The following MAML2 variants were observed in gnomAD, a reference collection of about 807,000 sequenced individuals.
The protein encoded by MAML2 is mastermind like transcriptional coactivator 2.
MAML2 carries 22 observed loss-of-function variants against 96.1 expected under a neutral mutation model. That is an observed-to-expected ratio of 0.23 (90% CI 0.16 to 0.33). MAML2 has a LOEUF of 0.33. MAML2 is among the 10% of genes least tolerant of loss of function. The probability of loss-of-function intolerance (pLI) is 1.00; values close to 1 mark genes in which losing one functional copy is unlikely to be tolerated. For missense variants in MAML2, 1,367 were observed against 1,392.4 expected (o/e 0.98, Z 0.29); for synonymous variants, 561 against 521.3 (o/e 1.08, Z -1.04).
chr11:96,231,095 G>A (rs1302417064), intron 1 of MAML2, among the ~76,000 whole-genome samples: 1 of 152,128 alleles, frequency 6.6e-6, no homozygotes. Context: ...AATCTGGATT[G>A]GTATCTAAAA....
intron 1 of MAML2, among the ~76,000 whole-genome samples, chr11:96,210,965 AACT>A (rs940779564): frequency 2.6e-4 from 39 of 152,146 alleles, no homozygotes; most frequent in African/African-American, 8.9e-4. Flanking sequence ...TACTTCCATA[AACT>A]ACATGTGAAG....
At chr11:96,297,617 A>G (rs1315049697) in intron 1 of MAML2, among the ~76,000 whole-genome samples, 3 of 152,170 alleles carry the variant, frequency 2.0e-5, no homozygotes, top group Non-Finnish European at 1.5e-5. Flanking sequence ...ACGTAGAGAT[A>G]TATTTCTGAC....
chr11:96,036,664 T>A (rs1858717339), intron 2 of MAML2, among the ~76,000 whole-genome samples: 1 of 152,198 alleles, frequency 6.6e-6, no homozygotes, highest in Non-Finnish European at 1.5e-5. Flanking sequence ...ATATGTTGAA[T>A]CCTTATCTAT....
At chr11:96,161,690 T>C (rs146499247) in intron 1 of MAML2, among the ~76,000 whole-genome samples, 17 of 152,364 alleles carry the variant, frequency 1.1e-4, no homozygotes, top group African/African-American at 3.4e-4. Flanking sequence ...AGCATTCCTA[T>C]GTCCTGAGTT....
chr11:96,257,127 G>A (rs1862679277), intron 1 of MAML2, among the ~76,000 whole-genome samples: 1 of 152,190 alleles, frequency 6.6e-6, no homozygotes, highest in African/African-American at 2.4e-5. Context: ...CTGTGGAAAA[G>A]CATTTCCAAT....
Position 96,159,404 on chromosome 11 carries a change from A to ATTTTTTTTTTTTTTTTT in MAML2, c.514-65888_514-65887insAAAAAAAAAAAAAAAAA, listed in dbSNP as rs1157893034. On this transcript the variant is annotated intron_variant, in intron 1 of 4. Transcript: ENST00000524717. ...TACTAACCGTGCCTCTAAACCACTGATTCTTTTTTTTTTTTTTTTTTTTTT... is the reference window on the plus strand; with the variant it reads ...TACTAACCGTGCCTCTAAACCACTGATTTTTTTTTTTTTTTTTTTCTTTTTTTTTTTTTTTTTTTTTT... 6.3e-3 allele frequency among the ~76,000 whole-genome samples: 387 copies of ATTTTTTTTTTTTTTTTT among 61,896 alleles called. 96 individuals are homozygous for ATTTTTTTTTTTTTTTTT. The highest frequency in any genetic ancestry group is 9.8e-3 in the Middle Eastern group (1 of 102). The allele number at this position is 61,896 out of a possible 152,430, so 40.6% of individuals were successfully genotyped here. A position where few individuals can be genotyped will look rare whatever the true frequency, so the allele number is the denominator to read the frequency against.
intron 1 of MAML2, among the ~76,000 whole-genome samples, chr11:96,155,509 A>T (rs1412958079): frequency 6.7e-5 from 5 of 74,852 alleles, no homozygotes; most frequent in Non-Finnish European, 1.0e-4. Flanking sequence ...TAACAATTCA[A>T]ATATATATAT....
At chr11:95,984,214 T>C (rs1465570021) in intron 4 of MAML2, among the ~76,000 whole-genome samples, 2 of 152,212 alleles carry the variant, frequency 1.3e-5, no homozygotes, top group African/African-American at 4.8e-5. Flanking sequence ...AGCTATATCA[T>C]ATAGCCTAGG....
chr11:96,115,470 C>T (rs752076820), intron 1 of MAML2, among the ~76,000 whole-genome samples: 6 of 107,350 alleles, frequency 5.6e-5, no homozygotes, highest in Admixed American at 8.7e-5. Context: ...CCACACCTGG[C>T]GGATTTTTTT....
At chr11:96,030,060 C>A (rs944626744) in intron 2 of MAML2, among the ~76,000 whole-genome samples, 1 of 152,158 alleles carries the variant, frequency 6.6e-6, no homozygotes, top group South Asian at 2.1e-4. Flanking sequence ...AGTGAAACCC[C>A]GTCTCTGCTA....
intron 1 of MAML2, among the ~76,000 whole-genome samples, chr11:96,101,754 C>T (rs1050100946): frequency 2.0e-5 from 3 of 150,104 alleles, no homozygotes; most frequent in African/African-American, 7.4e-5. Flanking sequence ...ACACTTCCCA[C>T]TGTCATCCTG....
intron 2 of MAML2, among the ~76,000 whole-genome samples, chr11:96,075,627 AAT>A (rs2135792744): frequency 6.6e-6 from 1 of 152,306 alleles, no homozygotes; most frequent in Non-Finnish European, 1.5e-5. Flanking sequence ...TGGAAGGTAT[AAT>A]GTAAAAGAAG....
chr11:96,051,370 C>T (rs951111541), intron 2 of MAML2, among the ~76,000 whole-genome samples: 4 of 152,098 alleles, frequency 2.6e-5, no homozygotes, highest in Non-Finnish European at 5.9e-5. Flanking sequence ...TTGTTAAACC[C>T]TTTACATTTA....
At chr11:96,171,925 C>A (rs1176433738) in intron 1 of MAML2, among the ~76,000 whole-genome samples, 1 of 152,194 alleles carries the variant, frequency 6.6e-6, no homozygotes. Context: ...GATGCTAACC[C>A]CTAAATCTGA....
At chr11:96,316,290 G>A (rs926327056) in intron 1 of MAML2, among the ~76,000 whole-genome samples, 3 of 152,122 alleles carry the variant, frequency 2.0e-5, no homozygotes, top group African/African-American at 7.2e-5. Flanking sequence ...AATGAAAAAG[G>A]CAATAAAATG....
At chr11:96,145,109 G>T (rs1299259254) in intron 1 of MAML2, among the ~76,000 whole-genome samples, 2 of 152,136 alleles carry the variant, frequency 1.3e-5, no homozygotes, top group African/African-American at 4.8e-5. Context: ...CAAGTCTGTG[G>T]GTTGGGCAAA....
chr11:95,985,514 T>C lies in MAML2; in HGVS notation c.2455+17A>G, dbSNP rs766990097. 1 of 1,478,280 alleles carries C rather than the reference T, an allele frequency of 6.8e-7. No homozygotes were observed. Among genetic ancestry groups the C allele is most frequent in the Non-Finnish European group, 9.3e-7 (1 of 1,079,416 alleles). The allele number at this position is 1,478,280 out of a possible 1,614,324, so 91.6% of individuals were successfully genotyped here. ...CTTTCACAGCTATAATTTTTATTAA[T>C]TTTTAAGAACACTTACCAGAATACT... On this transcript the variant is annotated intron_variant, in intron 4 of 4. Transcript: ENST00000524717.
intron 1 of MAML2, among the ~76,000 whole-genome samples, chr11:96,275,661 C>A (rs970674018): frequency 6.6e-5 from 10 of 152,152 alleles, no homozygotes; most frequent in Admixed American, 5.9e-4. Context: ...CTGCCTGAAG[C>A]AGGACACTTG....
At position 96,253,782 on chromosome 11, in the gene MAML2, AT is replaced by A. The variant is rs147677686; in HGVS notation, c.513+87600del. On this transcript the variant is annotated intron_variant, in intron 1 of 4. Transcript: ENST00000524717. ...TCTCAGCCATCTGAGAATTCTGTTT[AT>A]CCCACCTTGTCTCCTTGCTCAGAGA... Among the ~76,000 whole-genome samples, 339 of 152,316 alleles carry A rather than the reference AT, an allele frequency of 2.2e-3. 1 individual carries two copies. Among genetic ancestry groups the A allele is most frequent in the African/African-American group, 7.7e-3 (321 of 41,584 alleles).
Sources: allele counts gnomAD v4.1 joint callset (sites outside exome capture counted in the v4.1 genomes callset), GRCh38; gene constraint gnomAD v4.1.1; transcripts MANE v1.5; gene names NCBI Gene and HGNC (gene_info 2026-07-23, HGNC 2026-07-21).